Variants in MOSPD2 observed in about 807,000 individuals in gnomAD.
The protein encoded by MOSPD2 is motile sperm domain-containing protein 2.
In MOSPD2, 5 loss-of-function variants were observed where a neutral mutation model predicts 41.7. That is an observed-to-expected ratio of 0.12 (90% CI 0.06 to 0.25). The LOEUF (loss-of-function observed/expected upper bound fraction) is 0.25. MOSPD2 is among the 10% of genes least tolerant of loss of function. The pLI, the probability that MOSPD2 is intolerant of heterozygous loss-of-function variation, is 1.00. For missense variants in MOSPD2, 282 were observed against 375.2 expected, an observed-to-expected ratio of 0.75 and a Z score of 2.05; for synonymous variants, 115 against 126.9, an observed-to-expected ratio of 0.91 and a Z score of 0.63.
In MOSPD2 at chrX:14,920,219, C is replaced by G; in HGVS notation, c.*410C>G. On this transcript the variant is annotated 3_prime_UTR_variant, in exon 15 of 15. Coordinates refer to ENST00000380492, the MANE Select transcript of MOSPD2 (RefSeq NM_152581.4). The stretch of plus-strand genomic sequence containing the variant: ...CTTTTTTATGACAGAATTATTATAG[C>G]TGAGCTGACTTACTAGCTTTTCTAT... 1.3e-6 allele frequency: 1 copy of G among 752,246 alleles called. No homozygotes were observed. The allele number at this position is 752,246 out of a possible 1,213,427, so 62.0% of individuals were successfully genotyped here. A position where few individuals can be genotyped will look rare whatever the true frequency, so the allele number is the denominator to read the frequency against.
At chrX:14,876,319 T>G (rs756126667) in intron 2 of MOSPD2, among the ~76,000 whole-genome samples, 2 of 112,258 alleles carry the variant, frequency 1.8e-5, no homozygotes, top group Non-Finnish European at 3.8e-5. Flanking sequence ...ATATTTTGTT[T>G]CAGAAGAGGC....
chrX:14,899,565 T>TACACACACACACACACACACACACAC (rs59555716), intron 5 of MOSPD2, among the ~76,000 whole-genome samples: 8 of 81,042 alleles, frequency 9.9e-5, no homozygotes, highest in Non-Finnish European at 1.9e-4. Context: ...ATTATATACA[T>TACACACACACACACACACACACACAC]ACACACACAC....
At chrX:14,891,716 G>A (rs944559628) in intron 2 of MOSPD2, among the ~76,000 whole-genome samples, 7 of 108,562 alleles carry the variant, frequency 6.4e-5, no homozygotes, top group African/African-American at 1.7e-4. Context: ...TACAGGGTGC[G>A]CCACCACGCC....
chrX:14,921,414 C>T lies in MOSPD2; in HGVS notation c.*1605C>T. 1 of 936,741 alleles carries T rather than the reference C, an allele frequency of 1.1e-6. No individual in the cohort carries two copies. Among genetic ancestry groups the T allele is most frequent in the Non-Finnish European group, 1.3e-6 (1 of 755,127 alleles). The allele number at this position is 936,741 out of a possible 1,213,427, so 77.2% of individuals were successfully genotyped here. A position where few individuals can be genotyped will look rare whatever the true frequency, so the allele number is the denominator to read the frequency against. ...TCCAGCTGTGAAATGGACTGCAGTC[C>T]ACCCTAAGTACTGTGCACAGTATCT... On this transcript the variant is annotated 3_prime_UTR_variant, in exon 15 of 15. Coordinates refer to ENST00000380492, the MANE Select transcript of MOSPD2 (RefSeq NM_152581.4).
At chrX:14,877,807 G>A (rs1219990940) in intron 2 of MOSPD2, among the ~76,000 whole-genome samples, 1 of 104,389 alleles carries the variant, frequency 9.6e-6, no homozygotes, top group African/African-American at 3.5e-5. Flanking sequence ...CCCTGTCTCT[G>A]CTAAAAATAC....
chrX:14,921,626 C>T lies in MOSPD2; in HGVS notation c.*1817C>T, dbSNP rs1433721466. The T allele has an allele frequency of 1.1e-5, 3 of 263,938 alleles. No homozygotes were observed. Among genetic ancestry groups the T allele is most frequent in the Non-Finnish European group, 2.0e-5 (3 of 152,063 alleles). 21.8% of individuals were successfully genotyped at this position (263,938 alleles called of 1,213,427 possible). A position where few individuals can be genotyped will look rare whatever the true frequency, so the allele number is the denominator to read the frequency against. Reference sequence around the variant, plus strand: ...TGTTTCATATGAAAAATTATGTTGACCCACTAAAATATCCTTGCTCAATGT... The same window carrying T: ...TGTTTCATATGAAAAATTATGTTGATCCACTAAAATATCCTTGCTCAATGT... On this transcript the variant is annotated 3_prime_UTR_variant, in exon 15 of 15. Transcript: ENST00000380492.
intron 13 of MOSPD2, among the ~76,000 whole-genome samples, chrX:14,916,853 A>G (rs1376440781): frequency 8.9e-6 from 1 of 112,441 alleles, no homozygotes; most frequent in Admixed American, 9.4e-5. Context: ...AAAAACTTGC[A>G]TATATAGATA....
At chrX:14,902,042 G>A (rs189897359) in intron 6 of MOSPD2, among the ~76,000 whole-genome samples, 277 of 109,877 alleles carry the variant, frequency 2.5e-3, no homozygotes, top group African/African-American at 8.6e-3. Flanking sequence ...ATTGAATTTC[G>A]TGGAATCTTA....
At chrX:14,876,526 G>C (rs1480763429) in intron 2 of MOSPD2, among the ~76,000 whole-genome samples, 1 of 111,701 alleles carries the variant, frequency 9.0e-6, no homozygotes, top group African/African-American at 3.3e-5. Flanking sequence ...AAAGAATGAA[G>C]TATTAGCCCC....
chrX:14,899,883 C>T lies in MOSPD2; in HGVS notation c.478-692C>T, dbSNP rs2092570071. On this transcript the variant is annotated intron_variant, in intron 5 of 14. Transcript: ENST00000380492. ...GACTCATGGAAATAACCTTAATGAC[C>T]TAATTTCCTGTTGCTGTGCTCAAAG... is the stretch of plus-strand genomic sequence containing the variant. Among the ~76,000 whole-genome samples, 3 of 110,641 alleles carry T rather than the reference C, an allele frequency of 2.7e-5. No homozygotes were observed. The Admixed American group carries it at 2.9e-4, about 11-fold the overall frequency.
intron 7 of MOSPD2, among the ~76,000 whole-genome samples, chrX:14,907,626 T>G (rs1196693086): frequency 8.9e-6 from 1 of 112,195 alleles, no homozygotes; most frequent in Non-Finnish European, 1.9e-5. Flanking sequence ...ATGGTTTCAT[T>G]TATATAAAAT....
At chrX:14,877,712 G>A (rs1410316661) in intron 2 of MOSPD2, among the ~76,000 whole-genome samples, 3 of 104,452 alleles carry the variant, frequency 2.9e-5, no homozygotes, top group African/African-American at 6.9e-5. Flanking sequence ...GGTGGCTCAC[G>A]CCTGTAATCC....
intron 3 of MOSPD2, among the ~76,000 whole-genome samples, chrX:14,893,525 A>G (rs189092254): frequency 9.0e-6 from 1 of 111,425 alleles, no homozygotes; most frequent in East Asian, 2.8e-4. Context: ...GTATATGAAG[A>G]CCTGTTAGTT....
At chrX:14,879,798 G>C (rs1407552924) in intron 2 of MOSPD2, among the ~76,000 whole-genome samples, 1 of 110,666 alleles carries the variant, frequency 9.0e-6, no homozygotes, top group African/African-American at 3.3e-5. Flanking sequence ...GGGCATCCTT[G>C]TTTTTCTACA....
intron 7 of MOSPD2, among the ~76,000 whole-genome samples, chrX:14,905,596 C>T (rs964351217): frequency 9.0e-6 from 1 of 110,935 alleles, no homozygotes; most frequent in Non-Finnish European, 1.9e-5. Flanking sequence ...CAGGTTCAAA[C>T]GATTCTCCTG....
rs746975520 is a variant in MOSPD2 at position 14,919,725 on chromosome X, T to C, written c.1473T>C (p.Cys491=). The C allele has an allele frequency of 6.6e-6, 8 of 1,209,225 alleles. No individual in the cohort carries two copies. The highest frequency in any genetic ancestry group is 6.7e-6 in the Non-Finnish European group (6 of 894,558). ...AGCTTGAAGACCAAGTTCAGCGTTG[T>C]ATCTGGTTCCAGCAGCTGCTGCTTT... ...NRKLEDQVQR[C]IWFQQLLLSL... The change falls in exon 15 of 15, where the codon TGT becomes TGC. Residue 491 remains cysteine (C), a synonymous_variant. Transcript: ENST00000380492.
At chrX:14,888,195 T>TACACAC (rs773623825) in intron 2 of MOSPD2, among the ~76,000 whole-genome samples, 917 of 88,745 alleles carry the variant, frequency 0.01, 18 homozygotes, top group African/African-American at 0.022. Flanking sequence ...GGAGAATATA[T>TACACAC]ACACACACAC....
At position 14,899,606 on chromosome X, in the gene MOSPD2, A is replaced by AC. The variant is rs1569103813; in HGVS notation, c.478-969_478-968insC. 1.5e-3 allele frequency among the ~76,000 whole-genome samples: 161 copies of AC among 105,610 alleles called. 2 individuals carry two copies. In the East Asian group the frequency reaches 0.032, roughly 21 times the overall value. 91.7% of individuals were successfully genotyped at this position (105,610 alleles called of 115,157 possible). ...CACACACACACACACACACACACAC[A>AC]AAGGTATTATTATATATATACCCAT... On this transcript the variant is annotated intron_variant, in intron 5 of 14. Coordinates refer to ENST00000380492, the MANE Select transcript of MOSPD2 (RefSeq NM_152581.4).
chrX:14,920,704 C>G lies in MOSPD2; in HGVS notation c.*895C>G, dbSNP rs992420976. The G allele has an allele frequency of 1.8e-4, 133 of 751,719 alleles. No homozygotes were observed. Among genetic ancestry groups the G allele is most frequent in the Middle Eastern group, 1.5e-3 (2 of 1,318 alleles). The allele number at this position is 751,719 out of a possible 1,213,427, so 62.0% of individuals were successfully genotyped here. A position where few individuals can be genotyped will look rare whatever the true frequency, so the allele number is the denominator to read the frequency against. On this transcript the variant is annotated 3_prime_UTR_variant, in exon 15 of 15. Coordinates refer to ENST00000380492, the MANE Select transcript of MOSPD2 (RefSeq NM_152581.4). ...GAGTCTCTGTGGACCATGAATTGCACTGTCTCCCTCCTCATTTCTAAATGA... is the reference window on the plus strand; with the variant it reads ...GAGTCTCTGTGGACCATGAATTGCAGTGTCTCCCTCCTCATTTCTAAATGA...
Sources: allele counts gnomAD v4.1 joint callset (sites outside exome capture counted in the v4.1 genomes callset), GRCh38; gene constraint gnomAD v4.1.1; transcripts MANE v1.5; gene names NCBI Gene and HGNC (gene_info 2026-07-23, HGNC 2026-07-21).